The following TNRC6B variants were observed in gnomAD, a reference collection of about 807,000 sequenced individuals.
TNRC6B encodes the protein trinucleotide repeat-containing gene 6B protein.
TNRC6B carries 52 observed loss-of-function variants against 203.6 expected under a neutral mutation model. The ratio of observed to expected loss-of-function variants is 0.26; its 90% CI spans 0.20 to 0.32. The LOEUF is 0.32. Among genes scored for constraint, TNRC6B ranks in the 10% least tolerant of loss-of-function variants. The pLI is 1.00. For missense variants in TNRC6B, 1,923 were observed against 2,286.2 expected (o/e 0.84, Z 3.24); for synonymous variants, 838 against 845.7 (o/e 0.99, Z 0.16).
chr22:40,115,637 G>A (rs769161969), intron 1 of TNRC6B, among the ~76,000 whole-genome samples: 2 of 152,144 alleles, frequency 1.3e-5, no homozygotes, highest in African/African-American at 2.4e-5. Flanking sequence ...AAATGGACCC[G>A]TGGATATTAC....
intron 15 of TNRC6B, among the ~76,000 whole-genome samples, chr22:40,303,976 C>A (rs1273602589): frequency 6.6e-6 from 1 of 152,084 alleles, no homozygotes; most frequent in Non-Finnish European, 1.5e-5. Flanking sequence ...CATTTTAGGT[C>A]TGAAAGTTAG....
intron 2 of TNRC6B, among the ~76,000 whole-genome samples, chr22:40,122,110 G>A (rs968377504): frequency 6.6e-6 from 1 of 152,166 alleles, no homozygotes. Context: ...CAGAAGTTAG[G>A]GTCTTTGAGA....
chr22:40,181,909 G>T (rs2069135143), intron 1 of TNRC6B, among the ~76,000 whole-genome samples: 1 of 146,410 alleles, frequency 6.8e-6, no homozygotes, highest in East Asian at 2.0e-4. Flanking sequence ...TCGTGCCACT[G>T]CATTCCAGCC....
At chr22:40,113,507 A>T (rs913640662) in intron 1 of TNRC6B, among the ~76,000 whole-genome samples, 3 of 152,012 alleles carry the variant, frequency 2.0e-5, no homozygotes, top group African/African-American at 7.2e-5. Context: ...GGTGCATACT[A>T]CAATGCTGGG....
At chr22:40,111,979 T>C (rs1309630859) in intron 1 of TNRC6B, among the ~76,000 whole-genome samples, 1 of 152,142 alleles carries the variant, frequency 6.6e-6, no homozygotes, top group African/African-American at 2.4e-5. Context: ...CAGGCGCCTG[T>C]AATTCCAGCT....
At chr22:40,315,901 GT>G (rs776076676) in intron 20 of TNRC6B, 40 bp from the exon 21 acceptor site, 3 of 1,510,602 alleles carry the variant, frequency 2.0e-6, no homozygotes, top group African/African-American at 2.8e-5. Context: ...TCTTGTTTTT[GT>G]TTTATTTCTC....
intron 1 of TNRC6B, among the ~76,000 whole-genome samples, chr22:40,187,440 G>A (rs1170045303): frequency 6.6e-6 from 1 of 152,148 alleles, no homozygotes; most frequent in Non-Finnish European, 1.5e-5. Flanking sequence ...TACATTGGTA[G>A]AAGTTCCTAA....
In TNRC6B at chr22:40,300,605, TC is replaced by T; in HGVS notation, c.3840+21del. ...TCAGTTGGTAAGTAGAAGATTTTCT[TC>T]CTGTGGCTAAAAAGGTCATTTGCTT... On this transcript the variant is annotated intron_variant, in intron 13 of 22. Transcript: ENST00000454349. 3 of 1,587,642 alleles carry T rather than the reference TC, an allele frequency of 1.9e-6. No homozygotes were observed. The highest frequency in any genetic ancestry group is 2.6e-6 in the Non-Finnish European group (3 of 1,173,176).
intron 1 of TNRC6B, among the ~76,000 whole-genome samples, chr22:40,065,823 C>A (rs1334655720): frequency 3.3e-5 from 5 of 152,026 alleles, no homozygotes; most frequent in Non-Finnish European, 5.9e-5. Flanking sequence ...TACTTAGTGC[C>A]CCACGAATGA....
At chr22:40,119,848 GAAAGT>G (rs1172956768) in intron 2 of TNRC6B, among the ~76,000 whole-genome samples, 2 of 152,036 alleles carry the variant, frequency 1.3e-5, no homozygotes, top group African/African-American at 4.8e-5. Flanking sequence ...TTGTCAAAAG[GAAAGT>G]AAAGTTGCCC....
intron 3 of TNRC6B, among the ~76,000 whole-genome samples, chr22:40,154,257 A>G (rs1157510689): frequency 6.6e-6 from 1 of 151,934 alleles, no homozygotes; most frequent in African/African-American, 2.4e-5. Flanking sequence ...AGGTCAGGAG[A>G]TCGAGACCAT....
In TNRC6B at chr22:40,310,864, C is replaced by A; in HGVS notation, c.4306C>A (p.Gln1436Lys). 6.2e-7 allele frequency: 1 copy of A among 1,612,860 alleles called. No individual in the cohort carries two copies. The highest frequency in any genetic ancestry group is 8.5e-7 in the Non-Finnish European group (1 of 1,179,506). The change falls in exon 17 of 23, where the codon CAG becomes AAG. Residue 1436 changes from glutamine to lysine, a missense_variant. This residue lies in a region of TNRC6B where 242 missense variants were observed against 399.5 expected (regional missense o/e 0.61). Transcript: ENST00000454349. The stretch of plus-strand genomic sequence containing the variant: ...AACCCGGGGAGGGTCACCGTACAAC[C>A]AGTTTGATATCATCCCTGGTGACAC... ...GKTRGGSPYN[Q>K]FDIIPGDTLG...
intron 3 of TNRC6B, among the ~76,000 whole-genome samples, chr22:40,128,572 GGCTCACAGCTCACA>G (rs199537024): frequency 6.8e-6 from 1 of 146,510 alleles, no homozygotes; most frequent in African/African-American, 2.7e-5. Context: ...CACGGCTCAC[GGCTCACAGCTCACA>G]GCTCACAGCT....
chr22:40,241,937 G>A (rs1486851961), intron 1 of TNRC6B, among the ~76,000 whole-genome samples: 1 of 152,146 alleles, frequency 6.6e-6, no homozygotes, highest in African/African-American at 2.4e-5. Flanking sequence ...TCAAACTGTC[G>A]TCTGTGGTCA....
At chr22:40,309,212 C>T (rs1045216887) in intron 16 of TNRC6B, among the ~76,000 whole-genome samples, 6 of 152,232 alleles carry the variant, frequency 3.9e-5, no homozygotes, top group African/African-American at 1.4e-4. Context: ...TCTATAAGGG[C>T]TTCTCCATTT....
intron 1 of TNRC6B, among the ~76,000 whole-genome samples, chr22:40,241,850 A>G (rs1461098135): frequency 1.3e-5 from 2 of 152,192 alleles, no homozygotes; most frequent in African/African-American, 2.4e-5. Context: ...CCTATTTTAT[A>G]CAATGGCTTA....
At chr22:40,236,149 G>A (rs1374739388) in intron 1 of TNRC6B, among the ~76,000 whole-genome samples, 1 of 152,126 alleles carries the variant, frequency 6.6e-6, no homozygotes, top group African/African-American at 2.4e-5. Flanking sequence ...AATTGCCTAT[G>A]TGTTTAGTTC....
intron 1 of TNRC6B, among the ~76,000 whole-genome samples, chr22:40,094,828 T>G (rs908920148): frequency 6.6e-6 from 1 of 152,244 alleles, no homozygotes; most frequent in Non-Finnish European, 1.5e-5. Flanking sequence ...TGAAATGTTT[T>G]CAGTTTTTCT....
chr22:40,258,838 T>G (rs1318101317), intron 3 of TNRC6B, among the ~76,000 whole-genome samples: 1 of 152,264 alleles, frequency 6.6e-6, no homozygotes, highest in Non-Finnish European at 1.5e-5. Flanking sequence ...GAAACAGTGC[T>G]GTGAATGTTT....
Sources: allele counts gnomAD v4.1 joint callset (sites outside exome capture counted in the v4.1 genomes callset), GRCh38; gene constraint gnomAD v4.1.1; regional missense constraint gnomAD v4.1.1; transcripts MANE v1.5; gene names NCBI Gene and HGNC (gene_info 2026-07-23, HGNC 2026-07-21).